TNFRSF10B: variants seen among roughly 807,000 people sequenced by gnomAD.
TNFRSF10B encodes TNF receptor superfamily member 10b, also known as tumor necrosis factor receptor superfamily member 10B.
TNFRSF10B carries 35 observed loss-of-function variants against 41.4 expected under a neutral mutation model. The ratio of observed to expected loss-of-function variants is 0.85; its 90% CI spans 0.65 to 1.12. The LOEUF (loss-of-function observed/expected upper bound fraction) is 1.12, where lower values mean the gene tolerates loss of function less well. TNFRSF10B is among the 50% of genes most tolerant of loss of function. The pLI is 0.00. For synonymous variants in TNFRSF10B, 230 were observed against 215.5 expected, an observed-to-expected ratio of 1.07 and a Z score of -0.59; for missense variants, 584 against 552.7, an observed-to-expected ratio of 1.06 and a Z score of -0.57.
intron 1 of TNFRSF10B, among the ~76,000 whole-genome samples, chr8:23,053,700 C>G (rs1165247916): frequency 6.6e-6 from 1 of 152,072 alleles, no homozygotes. Context: ...ACTTTATGGT[C>G]AAACATTAAA....
At position 23,068,954 on chromosome 8, in the gene TNFRSF10B, T is replaced by C; in HGVS notation, c.-60A>G. 1 of 1,611,926 alleles carries C rather than the reference T, an allele frequency of 6.2e-7. No homozygotes were observed. Among genetic ancestry groups the C allele is most frequent in the Non-Finnish European group, 8.5e-7 (1 of 1,179,434 alleles). On this transcript the variant is annotated 5_prime_UTR_variant, in exon 1 of 9. Transcript: ENST00000276431. Reference sequence around the variant, plus strand: ...CGTGGGTTTCAGCCCTTAAAGTAGATCGGGCATCGTCGGTGTATTTTGTGG... The same window carrying C: ...CGTGGGTTTCAGCCCTTAAAGTAGACCGGGCATCGTCGGTGTATTTTGTGG...
In TNFRSF10B at chr8:23,066,678, C is replaced by T. The variant is rs367947977; in HGVS notation, c.144+2073G>A. On this transcript the variant is annotated intron_variant, in intron 1 of 8. Coordinates refer to ENST00000276431, the MANE Select transcript of TNFRSF10B (RefSeq NM_003842.5). ...ATCCCAGCATTTTGGGAGGCTGAGG[C>T]GGGCAGATCACGAGCCAGACCATCC... Among the ~76,000 whole-genome samples the T allele has an allele frequency of 1.8e-3, 278 of 152,056 alleles. 5 individuals carry two copies. The South Asian group carries it at 0.024, about 13-fold the overall frequency.
intron 2 of TNFRSF10B, among the ~76,000 whole-genome samples, chr8:23,032,168 G>A (rs965947059): frequency 3.7e-4 from 57 of 152,140 alleles, no homozygotes; most frequent in African/African-American, 1.2e-3. Flanking sequence ...CATATTTCAA[G>A]TGATTGGCAA....
At chr8:23,060,242 A>G (rs1442108845) in intron 1 of TNFRSF10B, among the ~76,000 whole-genome samples, 2 of 152,136 alleles carry the variant, frequency 1.3e-5, no homozygotes, top group African/African-American at 4.8e-5. Flanking sequence ...TTTTTATCCT[A>G]TATTTTCTTT....
chr8:23,021,456 T>C lies in TNFRSF10B; in HGVS notation c.*1215A>G. ...AGCACCATCTACTCTTCCCCCTTGA[T>C]GCCATGGCAGACGTGGGAGACAGAT... is the stretch of plus-strand genomic sequence containing the variant. On this transcript the variant is annotated 3_prime_UTR_variant, in exon 9 of 9. Coordinates refer to ENST00000276431, the MANE Select transcript of TNFRSF10B (RefSeq NM_003842.5). The C allele has an allele frequency of 2.2e-6, 1 of 454,148 alleles. No individual in the cohort carries two copies. Among genetic ancestry groups the C allele is most frequent in the Non-Finnish European group, 4.4e-6 (1 of 226,796 alleles). 28.1% of individuals were successfully genotyped at this position (454,148 alleles called of 1,614,324 possible).
chr8:23,061,837 T>C (rs1002709819), intron 1 of TNFRSF10B, among the ~76,000 whole-genome samples: 7 of 152,228 alleles, frequency 4.6e-5, no homozygotes, highest in African/African-American at 1.4e-4. Context: ...ATGTATTACA[T>C]TGTTCAGTTT....
chr8:23,027,357 C>T (rs1585206566), intron 6 of TNFRSF10B, 69 bp from the exon 7 acceptor site: 3 of 1,585,670 alleles, frequency 1.9e-6, no homozygotes, highest in East Asian at 4.5e-5. Flanking sequence ...CTGCAGGGTC[C>T]TCAGTATGCA....
Position 23,028,525 on chromosome 8 carries a change from G to A in TNFRSF10B, c.554C>T (p.Thr185Ile), listed in dbSNP as rs1216121356. ...AGCTGGGACTTCCCCACTGTGCTTT[G>A]TACCTGATTCTTTGTGGACACATTC... ...DIECVHKESG[T>I]KHSGEVPAVE... is the part of the protein sequence containing the mutation. The change falls in exon 5 of 9, where the codon ACA becomes ATA. Residue 185 changes from threonine to isoleucine, a missense_variant. Transcript: ENST00000276431. 6.2e-7 allele frequency: 1 copy of A among 1,614,096 alleles called. No individual in the cohort carries two copies. The highest frequency in any genetic ancestry group is 1.1e-5 in the South Asian group (1 of 91,078).
At chr8:23,030,722 A>T in intron 3 of TNFRSF10B, 37 bp downstream of exon 3, 3 of 1,528,160 alleles carry the variant, frequency 2.0e-6, no homozygotes, top group Non-Finnish European at 2.7e-6. Context: ...ATCACCCCGC[A>T]TTCCACCTTT....
Position 23,027,125 on chromosome 8 carries a change from C to A in TNFRSF10B, c.936+8G>T, listed in dbSNP as rs778071280. ...GCCAGGAAACAAAATGATCTGTCCC[C>A]CACTCACCAGCAGATGCTCTGACTC... On this transcript the variant is annotated splice_region_variant and intron_variant, in intron 7 of 8. Coordinates refer to ENST00000276431, the MANE Select transcript of TNFRSF10B (RefSeq NM_003842.5). 2.5e-5 allele frequency: 40 copies of A among 1,613,798 alleles called. No individual in the cohort carries two copies. The highest frequency in any genetic ancestry group is 3.3e-5 in the Non-Finnish European group (39 of 1,180,028).
In TNFRSF10B at chr8:23,029,677, A is replaced by G. The variant is rs1811821094; in HGVS notation, c.409T>C (p.Cys137Arg). Residue 137 changes from cysteine (C) to arginine (R), a missense_variant, in exon 4 of 9, where the codon TGT (cysteine) becomes CGT (arginine). Transcript: ENST00000276431. ...SPCTTTRNTV[C>R]QCEEGTFREE... ...CGGAAGGTGCCTTCTTCGCACTGAC[A>G]CACTGTGTTTCTGGTCGTGGTGCAG... The G allele has an allele frequency of 6.2e-7, 1 of 1,613,862 alleles. No individual in the cohort carries two copies. The highest frequency in any genetic ancestry group is 1.3e-5 in the African/African-American group (1 of 74,916).
At chr8:23,035,440 C>A (rs1312161911) in intron 2 of TNFRSF10B, among the ~76,000 whole-genome samples, 1 of 152,178 alleles carries the variant, frequency 6.6e-6, no homozygotes, top group Non-Finnish European at 1.5e-5. Flanking sequence ...CCACATCTGG[C>A]CTGCAGGGAT....
At position 23,021,142 on chromosome 8, in the gene TNFRSF10B, A is replaced by G. The variant is rs1811506766; in HGVS notation, c.*1529T>C. On this transcript the variant is annotated 3_prime_UTR_variant, in exon 9 of 9. Coordinates refer to ENST00000276431, the MANE Select transcript of TNFRSF10B (RefSeq NM_003842.5). ...ATGATCCTTCCATGACTGAAATACT[A>G]TGGAGAAGGGTTTGCTGGAAAGAGG... 4.4e-6 allele frequency: 2 copies of G among 454,118 alleles called. No homozygotes were observed. The highest frequency in any genetic ancestry group is 4.4e-6 in the Non-Finnish European group (1 of 226,798). The allele number at this position is 454,118 out of a possible 1,614,324, so 28.1% of individuals were successfully genotyped here. A position where few individuals can be genotyped will look rare whatever the true frequency, so the allele number is the denominator to read the frequency against.
chr8:23,028,239 G>A, intron 5 of TNFRSF10B, 92 bp downstream of exon 5: 4 of 1,573,172 alleles, frequency 2.5e-6, no homozygotes, highest in Non-Finnish European at 3.5e-6. Context: ...ACTTAGACTT[G>A]GGGCAGGGGC....
chr8:23,029,746 G>A (rs1174270840), intron 3 of TNFRSF10B, 25 bp from the exon 4 acceptor site: 1 of 1,604,966 alleles, frequency 6.2e-7, no homozygotes, highest in Admixed American at 1.7e-5. Flanking sequence ...TAAGGTTTTG[G>A]GAATGTGTTT....
intron 7 of TNFRSF10B, among the ~76,000 whole-genome samples, chr8:23,024,626 T>G (rs1185254519): frequency 1.3e-5 from 2 of 151,902 alleles, no homozygotes; most frequent in Non-Finnish European, 2.9e-5. Flanking sequence ...TTCAAGAGAT[T>G]CTCCTGCCTC....
chr8:23,047,820 G>T (rs1022025617), intron 1 of TNFRSF10B, among the ~76,000 whole-genome samples: 1 of 152,148 alleles, frequency 6.6e-6, no homozygotes, highest in African/African-American at 2.4e-5. Flanking sequence ...ACTAAAAATA[G>T]AATTATTATA....
chr8:23,066,924 CAT>C (rs1402193084), intron 1 of TNFRSF10B, among the ~76,000 whole-genome samples: 4 of 151,910 alleles, frequency 2.6e-5, no homozygotes, highest in Admixed American at 6.6e-5. Context: ...CAAACAAAAA[CAT>C]AAACTCTAAA....
intron 1 of TNFRSF10B, among the ~76,000 whole-genome samples, chr8:23,062,518 T>C (rs1210775662): frequency 1.7e-4 from 26 of 152,202 alleles, no homozygotes; most frequent in Admixed American, 1.7e-3. Context: ...ACATCCGGCC[T>C]CTACTGTTTT....
Sources: allele counts gnomAD v4.1 joint callset (sites outside exome capture counted in the v4.1 genomes callset), GRCh38; gene constraint gnomAD v4.1.1; transcripts MANE v1.5; gene names NCBI Gene and HGNC (gene_info 2026-07-23, HGNC 2026-07-21).